ADAM32: variants seen among roughly 807,000 people sequenced by gnomAD.
ADAM32 encodes the protein ADAM metallopeptidase domain 32.
In ADAM32, 89 loss-of-function variants were observed where a neutral mutation model predicts 114.9. The ratio of observed to expected loss-of-function variants is 0.77; its 90% CI spans 0.65 to 0.92. The LOEUF (loss-of-function observed/expected upper bound fraction) is 0.92, where lower values mean the gene tolerates loss of function less well. Ranked by LOEUF, ADAM32 falls within the 40% of genes least tolerant of loss-of-function variation. The pLI is 0.00. For synonymous variants in ADAM32, 285 were observed against 307.5 expected (o/e 0.93, Z 0.77); for missense variants, 870 against 932.8 (o/e 0.93, Z 0.88).
At chr8:39,116,219 C>T (rs77522396) in intron 1 of ADAM32, among the ~76,000 whole-genome samples, 6 of 152,054 alleles carry the variant, frequency 3.9e-5, no homozygotes, top group Non-Finnish European at 7.3e-5. Flanking sequence ...GCTCTTTGGG[C>T]TCTTTTATGG....
intron 1 of ADAM32, 118 bp downstream of exon 1, chr8:39,107,951 G>A: frequency 7.4e-7 from 1 of 1,345,672 alleles, no homozygotes; most frequent in Non-Finnish European, 9.7e-7. Context: ...CCTGGCAACG[G>A]GGCCTTTTCC....
chr8:39,129,891 T>C (rs1292956504), intron 2 of ADAM32: 2 of 421,318 alleles, frequency 4.7e-6, no homozygotes, highest in African/African-American at 4.2e-5. Flanking sequence ...TGTTTCTTTT[T>C]AGAAATTTAT....
chr8:39,181,154 A>G (rs1392496849), intron 10 of ADAM32, among the ~76,000 whole-genome samples: 2 of 152,204 alleles, frequency 1.3e-5, no homozygotes, highest in African/African-American at 4.8e-5. Flanking sequence ...ACACTGTGGA[A>G]GCTTTGTTCT....
intron 20 of ADAM32, among the ~76,000 whole-genome samples, chr8:39,273,426 G>A (rs1013084483): frequency 1.3e-5 from 2 of 152,004 alleles, no homozygotes; most frequent in Admixed American, 6.5e-5. Flanking sequence ...ACTCAGGAGG[G>A]TGAGGCAGGA....
At chr8:39,282,659 A>G (rs542140991) in intron 23 of ADAM32, among the ~76,000 whole-genome samples, 1 of 152,226 alleles carries the variant, frequency 6.6e-6, no homozygotes, top group East Asian at 1.9e-4. Context: ...ATTTTCTTGT[A>G]TTTCTGTTCC....
In ADAM32 at chr8:39,221,708, AT is replaced by A. The variant is rs1265238974; in HGVS notation, c.1326+9del. On this transcript the variant is annotated splice_region_variant and intron_variant, in intron 13 of 24. Coordinates refer to ENST00000379907, the MANE Select transcript of ADAM32 (RefSeq NM_145004.7). The stretch of plus-strand genomic sequence containing the variant: ...TGTGCTGCAAAGACTGTCAAGTAAG[AT>A]TTAAGCTTATGAACATCTTTCAAAT... 6.3e-7 allele frequency: 1 copy of A among 1,598,710 alleles called. No individual in the cohort carries two copies. The highest frequency in any genetic ancestry group is 2.2e-5 in the East Asian group (1 of 44,608).
chr8:39,172,502 C>T (rs755576320), intron 10 of ADAM32, among the ~76,000 whole-genome samples: 2 of 152,048 alleles, frequency 1.3e-5, no homozygotes, highest in Non-Finnish European at 2.9e-5. Flanking sequence ...CCTGACAGGC[C>T]CCAGCGTGTG....
chr8:39,227,850 C>A (rs1564638937), intron 14 of ADAM32, among the ~76,000 whole-genome samples: 1 of 152,170 alleles, frequency 6.6e-6, no homozygotes, highest in Non-Finnish European at 1.5e-5. Context: ...TGGAAAGGAC[C>A]ACCTCCTGGC....
At chr8:39,179,817 T>C (rs1210287149) in intron 10 of ADAM32, among the ~76,000 whole-genome samples, 2 of 152,276 alleles carry the variant, frequency 1.3e-5, no homozygotes, top group African/African-American at 4.8e-5. Context: ...CAGTTGAAAG[T>C]GTAGAATTTG....
At chr8:39,125,424 A>G (rs1023579284) in intron 2 of ADAM32, among the ~76,000 whole-genome samples, 12 of 152,186 alleles carry the variant, frequency 7.9e-5, no homozygotes, top group African/African-American at 2.9e-4. Flanking sequence ...TCACAGGTTC[A>G]CAACTGGAGA....
intron 18 of ADAM32, among the ~76,000 whole-genome samples, chr8:39,255,736 T>C (rs944942231): frequency 1.3e-5 from 2 of 152,094 alleles, no homozygotes; most frequent in Admixed American, 1.3e-4. Flanking sequence ...TTTAATTAAG[T>C]CCCTTCTATT....
At chr8:39,212,617 A>T (rs892612126) in intron 12 of ADAM32, among the ~76,000 whole-genome samples, 2 of 152,046 alleles carry the variant, frequency 1.3e-5, no homozygotes, top group African/African-American at 4.8e-5. Context: ...TGTTTTTGAG[A>T]TTCATCCATT....
At chr8:39,267,350 T>C (rs1166287041) in intron 19 of ADAM32, among the ~76,000 whole-genome samples, 1 of 152,228 alleles carries the variant, frequency 6.6e-6, no homozygotes, top group Non-Finnish European at 1.5e-5. Flanking sequence ...GTATGTACTT[T>C]GTCTGGATTA....
intron 11 of ADAM32, among the ~76,000 whole-genome samples, chr8:39,193,276 G>A (rs1351196311): frequency 6.6e-6 from 1 of 151,972 alleles, no homozygotes; most frequent in African/African-American, 2.4e-5. Flanking sequence ...TTCTTTCCTT[G>A]GCTTGGTCTG....
At chr8:39,248,290 T>C (rs1811060491) in intron 17 of ADAM32, among the ~76,000 whole-genome samples, 1 of 152,230 alleles carries the variant, frequency 6.6e-6, no homozygotes, top group Non-Finnish European at 1.5e-5. Flanking sequence ...AGAACTGATA[T>C]CTTGACGATA....
chr8:39,189,183 T>C (rs559666332), intron 11 of ADAM32, among the ~76,000 whole-genome samples: 1 of 152,306 alleles, frequency 6.6e-6, no homozygotes, highest in African/African-American at 2.4e-5. Context: ...ATTATCCCTA[T>C]TATGCAGATG....
chr8:39,147,024 C>A, intron 3 of ADAM32, 106 bp from the exon 4 acceptor site: 1 of 422,466 alleles, frequency 2.4e-6, no homozygotes, highest in Non-Finnish European at 3.6e-6. Context: ...CCTTTATTTA[C>A]AAAACAGAGG....
intron 6 of ADAM32, among the ~76,000 whole-genome samples, chr8:39,156,151 T>C (rs112273815): frequency 2.6e-5 from 4 of 151,922 alleles, no homozygotes; most frequent in African/African-American, 4.8e-5. Context: ...AATAGTATCT[T>C]TTTTTTTGGA....
chr8:39,156,669 G>C (rs1804171007), intron 6 of ADAM32, among the ~76,000 whole-genome samples: 1 of 152,150 alleles, frequency 6.6e-6, no homozygotes, highest in Non-Finnish European at 1.5e-5. Flanking sequence ...CTGGAGCCTG[G>C]AAGTTTGAGA....
Sources: gnomAD v4.1 joint callset for allele counts (sites outside exome capture counted in the v4.1 genomes callset) on GRCh38, gnomAD v4.1.1 for gene constraint, MANE v1.5 for transcripts, NCBI Gene and HGNC (gene_info 2026-07-23, HGNC 2026-07-21) for gene names.